The following CEACAM21 variants were observed in gnomAD, a reference collection of about 807,000 sequenced individuals.
The protein encoded by CEACAM21 is cell adhesion molecule CEACAM21.
CEACAM21 carries 38 observed loss-of-function variants against 33.2 expected under a neutral mutation model. The observed-to-expected ratio is 1.14, with a 90% CI of 0.88 to 1.50. CEACAM21 has a LOEUF of 1.50. CEACAM21 is among the 40% of genes most tolerant of loss of function. The pLI is 0.00. For missense variants in CEACAM21, 385 were observed against 364.6 expected, an observed-to-expected ratio of 1.06 and a Z score of -0.46; for synonymous variants, 156 against 143.0, an observed-to-expected ratio of 1.09 and a Z score of -0.65.
chr19:41,567,378 A>G (rs1228713507), intron 2 of CEACAM21, among the ~76,000 whole-genome samples: 1 of 152,244 alleles, frequency 6.6e-6, no homozygotes, highest in Non-Finnish European at 1.5e-5. Context: ...GAGCAAATGC[A>G]CTTCTAGATA....
At chr19:41,551,172 T>A (rs1335882843) in intron 1 of CEACAM21, 2 of 151,466 alleles carry the variant, frequency 1.3e-5, no homozygotes, top group Non-Finnish European at 2.9e-5. Flanking sequence ...TTTTTTTTTT[T>A]TTTTTAGATG....
upstream of CEACAM21, among the ~76,000 whole-genome samples, chr19:41,571,857 AC>A (rs1392389602): frequency 1.3e-5 from 2 of 151,656 alleles, no homozygotes; most frequent in African/African-American, 4.9e-5. Flanking sequence ...AAACATCCTC[AC>A]CAGTCACCTC....
Position 41,577,362 on chromosome 19 carries a change from A to G in CEACAM21, c.227A>G (p.Asn76Ser), listed in dbSNP as rs782623883. 28 of 1,613,714 alleles carry G rather than the reference A, an allele frequency of 1.7e-5. No individual in the cohort carries two copies. Among genetic ancestry groups the G allele is most frequent in the East Asian group, 1.3e-4 (6 of 44,718 alleles). ...TACAAAGGGAAAACGGTGGAGCCCA[A>G]CCAGCTAATCGCAGCATATGTAATA... ...GWYKGKTVEP[N>S]QLIAAYVIDT... Residue 76 changes from asparagine to serine, a missense_variant, in exon 2 of 7, where the codon AAC (asparagine) becomes AGC (serine). Asn to Ser is a conservative substitution (Grantham distance 46, BLOSUM62 1). Coordinates refer to ENST00000401445, the MANE Select transcript of CEACAM21 (RefSeq NM_001098506.4).
intron 2 of CEACAM21, 146 bp downstream of exon 2, chr19:41,577,705 G>C (rs1033577246): frequency 1.7e-6 from 2 of 1,155,186 alleles, no homozygotes; most frequent in Non-Finnish European, 1.2e-6. Context: ...CACACCCAGG[G>C]GAGACAAACT....
Position 41,577,199 on chromosome 19 carries a change from G to T in CEACAM21, c.65-1G>T, listed in dbSNP as rs965197727. The T allele has an allele frequency of 1.2e-6, 2 of 1,613,848 alleles. No individual in the cohort carries two copies. Among genetic ancestry groups the T allele is most frequent in the African/African-American group, 1.3e-5 (1 of 74,962 alleles). On this transcript the variant is annotated splice_acceptor_variant, in intron 1 of 6. Transcript: ENST00000401445. LOFTEE classifies it high-confidence loss of function. Reference sequence around the variant, plus strand: ...TGACTGATATTCTCTCCCTTTCCTAGCCTCACTTTTAACTTTCTGGAACGC... The same window carrying T: ...TGACTGATATTCTCTCCCTTTCCTATCCTCACTTTTAACTTTCTGGAACGC...
intron 3 of CEACAM21, 33 bp downstream of exon 3, chr19:41,579,661 C>T (rs782299788): frequency 1.5e-5 from 22 of 1,420,030 alleles, no homozygotes; most frequent in South Asian, 9.4e-5. Flanking sequence ...CACTCCTTTC[C>T]TTGTATATTT....
intron 1 of CEACAM21, chr19:41,551,500 T>A (rs2041192270): frequency 6.7e-6 from 1 of 150,008 alleles, no homozygotes; most frequent in Admixed American, 6.6e-5. Context: ...TTGGGGTGAG[T>A]CTCTGGGTTG....
chr19:41,569,472 T>A (rs1451498981), intron 2 of CEACAM21, among the ~76,000 whole-genome samples: 1 of 151,864 alleles, frequency 6.6e-6, no homozygotes, highest in Non-Finnish European at 1.5e-5. Context: ...CCATAATGGA[T>A]GAGAAAGTGT....
At chr19:41,578,797 A>T (rs1555792222) in intron 2 of CEACAM21, among the ~76,000 whole-genome samples, 1 of 152,136 alleles carries the variant, frequency 6.6e-6, no homozygotes, top group African/African-American at 2.4e-5. Context: ...TGATTTGTTG[A>T]TGTCACTCCC....
rs2122324141 is a variant in CEACAM21, at chr19:41,586,659, C to A, written c.*196C>A. 4.0e-6 allele frequency: 2 copies of A among 497,336 alleles called. No homozygotes were observed. Among genetic ancestry groups the A allele is most frequent in the Non-Finnish European group, 7.7e-6 (2 of 259,710 alleles). The allele number at this position is 497,336 out of a possible 1,614,324, so 30.8% of individuals were successfully genotyped here. The stretch of plus-strand genomic sequence containing the variant: ...TCCTGAGGAGACACAGGCCTGGGGA[C>A]AGGAAGGGATGGGGGTCCCTGCTGA... On this transcript the variant is annotated 3_prime_UTR_variant, in exon 7 of 7. Coordinates refer to ENST00000401445, the MANE Select transcript of CEACAM21 (RefSeq NM_001098506.4).
intron 2 of CEACAM21, among the ~76,000 whole-genome samples, chr19:41,568,020 G>A (rs1177493216): frequency 1.3e-5 from 2 of 152,112 alleles, no homozygotes; most frequent in Non-Finnish European, 2.9e-5. Flanking sequence ...AGGTGTTGAT[G>A]ATGGATCATT....
chr19:41,568,941 T>G (rs1555788819), intron 2 of CEACAM21, among the ~76,000 whole-genome samples: 1 of 152,216 alleles, frequency 6.6e-6, no homozygotes, highest in Non-Finnish European at 1.5e-5. Context: ...ACATGGAATA[T>G]CTTCTATTTG....
intron 4 of CEACAM21, 106 bp downstream of exon 4, chr19:41,584,549 G>C: frequency 1.0e-6 from 1 of 982,510 alleles, no homozygotes; most frequent in Non-Finnish European, 1.6e-6. Flanking sequence ...CCAGCCTCCC[G>C]ACTCCCCAGG....
chr19:41,585,480 C>G lies in CEACAM21; in HGVS notation c.835C>G (p.Pro279Ala). The change falls in exon 5 of 7, where the codon CCA (proline) becomes GCA (alanine). Residue 279 changes from proline (P) to alanine (A), a missense_variant. Transcript: ENST00000401445. The stretch of plus-strand genomic sequence containing the variant: ...GAGTGACTTCAGGGAGCAGCAGCCC[C>G]CAGCCTCCACCCCCGGTGAGTGTCC... ...DQSDFREQQP[P>A]ASTPGHGPSD... The G allele has an allele frequency of 6.2e-7, 1 of 1,613,872 alleles. No individual in the cohort carries two copies. Among genetic ancestry groups the G allele is most frequent in the Non-Finnish European group, 8.5e-7 (1 of 1,179,808 alleles).
intron 2 of CEACAM21, among the ~76,000 whole-genome samples, chr19:41,569,815 G>A (rs782462131): frequency 7.9e-5 from 12 of 152,110 alleles, no homozygotes; most frequent in African/African-American, 2.9e-4. Flanking sequence ...ATAGGAAAAC[G>A]CTATGCTTTT....
At chr19:41,586,184 C>A in intron 6 of CEACAM21, 2 of 580,510 alleles carry the variant, frequency 3.4e-6, no homozygotes, top group Non-Finnish European at 3.1e-6. Flanking sequence ...GGCAGCTGCT[C>A]TCATCTATGA....
At chr19:41,562,489 G>A (rs1190435823) in intron 1 of CEACAM21, among the ~76,000 whole-genome samples, 1 of 152,010 alleles carries the variant, frequency 6.6e-6, no homozygotes, top group Non-Finnish European at 1.5e-5. Context: ...CAGGAAATAT[G>A]TATAAAGAGG....
intron 1 of CEACAM21, among the ~76,000 whole-genome samples, chr19:41,560,697 C>A (rs1466879997): frequency 6.6e-6 from 1 of 152,182 alleles, no homozygotes; most frequent in Non-Finnish European, 1.5e-5. Flanking sequence ...CAATGTAATT[C>A]ATAACTTTGG....
upstream of CEACAM21, chr19:41,576,074 G>A (rs1555790893): frequency 1.6e-6 from 1 of 614,750 alleles, no homozygotes; most frequent in East Asian, 2.9e-5. Context: ...AGGGAGGCAG[G>A]ACTGAGAGGG....
Sources: gnomAD v4.1 joint callset for allele counts (sites outside exome capture counted in the v4.1 genomes callset) on GRCh38, gnomAD v4.1.1 for gene constraint, MANE v1.5 for transcripts, NCBI Gene and HGNC (gene_info 2026-07-23, HGNC 2026-07-21) for gene names.